Variants in USH2A observed in about 807,000 individuals in gnomAD.
USH2A encodes the protein usherin, also known as Usher syndrome 2A (autosomal recessive, mild).
In USH2A, 443 loss-of-function variants were observed where a neutral mutation model predicts 538.9. The observed-to-expected ratio is 0.82, with a 90% CI of 0.76 to 0.89. The LOEUF (loss-of-function observed/expected upper bound fraction) is 0.89, where lower values mean the gene tolerates loss of function less well. Ranked by LOEUF, USH2A falls within the 40% of genes least tolerant of loss-of-function variation. The pLI is 0.00. For missense variants in USH2A, 6,633 were observed against 6,324.8 expected, an observed-to-expected ratio of 1.05 and a Z score of -1.65; for synonymous variants, 2,413 against 2,273.5, an observed-to-expected ratio of 1.06 and a Z score of -1.75.
intron 43 of USH2A, among the ~76,000 whole-genome samples, chr1:215,867,626 T>C (rs1664510149): frequency 6.6e-6 from 1 of 152,336 alleles, no homozygotes; most frequent in Non-Finnish European, 1.5e-5. Context: ...AACATTTTCT[T>C]CCGATACCTA....
At position 215,894,134 on chromosome 1, in the gene USH2A, G is replaced by T. The variant is rs187341875; in HGVS notation, c.7595-5080C>A. On this transcript the variant is annotated intron_variant, in intron 40 of 71. Transcript: ENST00000307340. ...TCAGCAATCAGAGGTTAGTACTTAA[G>T]GCAACTGGAAAAATATTTGGAATGG... Among the ~76,000 whole-genome samples the T allele has an allele frequency of 2.0e-5, 3 of 152,172 alleles. No homozygotes were observed. In the East Asian group the frequency reaches 5.8e-4, roughly 29 times the overall value.
intron 41 of USH2A, among the ~76,000 whole-genome samples, chr1:215,886,250 T>A (rs1480696570): frequency 6.6e-6 from 1 of 152,226 alleles, no homozygotes; most frequent in Non-Finnish European, 1.5e-5. Flanking sequence ...TATAAAATAT[T>A]TTCTATTTGC....
intron 20 of USH2A, among the ~76,000 whole-genome samples, chr1:216,187,338 G>A (rs1319265313): frequency 2.0e-5 from 3 of 151,802 alleles, no homozygotes; most frequent in Non-Finnish European, 4.4e-5. Context: ...GCTTTAAATA[G>A]TAAGCCCTCA....
chr1:215,945,274 C>G (rs1666730446), intron 37 of USH2A, among the ~76,000 whole-genome samples: 1 of 152,042 alleles, frequency 6.6e-6, no homozygotes, highest in Non-Finnish European at 1.5e-5. Flanking sequence ...TCTTTTAAAT[C>G]CCCCAGATGG....
intron 37 of USH2A, among the ~76,000 whole-genome samples, chr1:215,937,519 T>G (rs1045677550): frequency 6.6e-6 from 1 of 152,112 alleles, no homozygotes; most frequent in Non-Finnish European, 1.5e-5. Context: ...TCAAGAAACC[T>G]GGTTAAGATT....
chr1:216,034,171 TTGTGC>T (rs1669191464), intron 32 of USH2A, among the ~76,000 whole-genome samples: 1 of 152,048 alleles, frequency 6.6e-6, no homozygotes, highest in African/African-American at 2.4e-5. Flanking sequence ...AAACCAACAT[TTGTGC>T]GTGGAAGAAA....
intron 43 of USH2A, among the ~76,000 whole-genome samples, chr1:215,875,757 T>A (rs1488115752): frequency 1.3e-5 from 2 of 151,214 alleles, no homozygotes; most frequent in Non-Finnish European, 2.9e-5. Flanking sequence ...TAGTTATATT[T>A]AAGCACTTAA....
chr1:216,259,378 A>C (rs1400094231), intron 11 of USH2A, among the ~76,000 whole-genome samples: 1 of 152,112 alleles, frequency 6.6e-6, no homozygotes, highest in Non-Finnish European at 1.5e-5. Flanking sequence ...ATAACTGTCA[A>C]TTGAAATGGA....
intron 49 of USH2A, among the ~76,000 whole-genome samples, chr1:215,802,990 A>G (rs1306597704): frequency 6.6e-6 from 1 of 152,210 alleles, no homozygotes; most frequent in Non-Finnish European, 1.5e-5. Context: ...ACACAAATCA[A>G]TAAACATAAT....
chr1:215,759,965 G>T, intron 56 of USH2A, 122 bp from the exon 57 acceptor site: 1 of 1,084,124 alleles, frequency 9.2e-7, no homozygotes, highest in Non-Finnish European at 1.4e-6. Flanking sequence ...ATATCTAACT[G>T]TATGGAACAA....
At chr1:215,700,091 T>C (rs1658956744) in intron 61 of USH2A, among the ~76,000 whole-genome samples, 1 of 152,148 alleles carries the variant, frequency 6.6e-6, no homozygotes, top group South Asian at 2.1e-4. Flanking sequence ...TTGTTTCTGT[T>C]TTTGTGATAG....
intron 4 of USH2A, among the ~76,000 whole-genome samples, chr1:216,329,057 C>A: frequency 6.6e-6 from 1 of 152,142 alleles, no homozygotes. Context: ...TAGGCAGCCT[C>A]CTGCTCTGAC....
intron 61 of USH2A, among the ~76,000 whole-genome samples, chr1:215,693,167 T>A (rs1658680506): frequency 5.3e-5 from 8 of 149,968 alleles, no homozygotes; most frequent in Admixed American, 3.3e-4. Flanking sequence ...TTTTTGTGGA[T>A]ACAAGGTCTC....
intron 30 of USH2A, among the ~76,000 whole-genome samples, chr1:216,065,731 T>C (rs938411773): frequency 6.6e-6 from 1 of 151,814 alleles, no homozygotes; most frequent in Non-Finnish European, 1.5e-5. Flanking sequence ...ACTCCATCTC[T>C]ACTAAAAATA....
Position 216,403,951 on chromosome 1 carries a change from A to C in USH2A, c.651+14563T>G, listed in dbSNP as rs868030687. On this transcript the variant is annotated intron_variant, in intron 3 of 71. Transcript: ENST00000307340. ...CCTCACTCTTCTCTCTCCTGACGCCACGTGAGGAAGGTCCTTGCTTTCCCT... is the reference window on the plus strand; with the variant it reads ...CCTCACTCTTCTCTCTCCTGACGCCCCGTGAGGAAGGTCCTTGCTTTCCCT... Among the ~76,000 whole-genome samples, 7 of 152,182 alleles carry C rather than the reference A, an allele frequency of 4.6e-5. No individual in the cohort carries two copies. The Middle Eastern group carries it at 0.01, about 222-fold the overall frequency.
At chr1:215,653,857 G>A (rs938971496) in intron 64 of USH2A, among the ~76,000 whole-genome samples, 11 of 152,134 alleles carry the variant, frequency 7.2e-5, no homozygotes, top group African/African-American at 2.4e-4. Flanking sequence ...ATTCGATTCT[G>A]TCTTTATAGG....
intron 3 of USH2A, among the ~76,000 whole-genome samples, chr1:216,372,913 A>G (rs997471074): frequency 2.0e-5 from 3 of 152,220 alleles, no homozygotes; most frequent in South Asian, 4.1e-4. Context: ...TTTCCAAAAG[A>G]TTATCAAGTT....
intron 32 of USH2A, among the ~76,000 whole-genome samples, chr1:216,029,378 C>T (rs1669038677): frequency 6.6e-6 from 1 of 152,000 alleles, no homozygotes; most frequent in Non-Finnish European, 1.5e-5. Context: ...TTTGCTTGTT[C>T]TATTGTGTCC....
chr1:215,713,346 A>G (rs1659393773), intron 61 of USH2A, among the ~76,000 whole-genome samples: 1 of 152,216 alleles, frequency 6.6e-6, no homozygotes, highest in African/African-American at 2.4e-5. Context: ...TGAGTAAAAA[A>G]GCCAAAGCCA....
Sources: allele counts gnomAD v4.1 joint callset (sites outside exome capture counted in the v4.1 genomes callset), GRCh38; gene constraint gnomAD v4.1.1; transcripts MANE v1.5; gene names NCBI Gene and HGNC (gene_info 2026-07-23, HGNC 2026-07-21).